The following AKAP13 variants were observed in gnomAD, a reference collection of about 807,000 sequenced individuals.
AKAP13 encodes the protein A-kinase anchor protein 13.
AKAP13 carries 80 observed loss-of-function variants against 264.5 expected under a neutral mutation model. That is an observed-to-expected ratio of 0.30 (90% CI 0.25 to 0.36). The LOEUF (loss-of-function observed/expected upper bound fraction) is 0.36. Among genes scored for constraint, AKAP13 ranks in the 10% least tolerant of loss-of-function variants. The pLI is 1.00. For synonymous variants in AKAP13, 1,380 were observed against 1,250.2 expected (o/e 1.10, Z -2.19); for missense variants, 3,712 against 3,435.2 (o/e 1.08, Z -2.01).
chr15:85,387,209 G>T (rs542762673), intron 1 of AKAP13, among the ~76,000 whole-genome samples: 2 of 151,996 alleles, frequency 1.3e-5, no homozygotes, highest in African/African-American at 4.8e-5. Flanking sequence ...GGTGGTGGGC[G>T]CCTGTAATCC....
intron 1 of AKAP13, among the ~76,000 whole-genome samples, chr15:85,446,176 G>T (rs529411861): frequency 5.3e-5 from 8 of 152,244 alleles, no homozygotes; most frequent in African/African-American, 1.9e-4. Flanking sequence ...TTTGACCAGA[G>T]AATTGACACA....
Position 85,734,878 on chromosome 15 carries a change from G to A in AKAP13, c.7283-114G>A, listed in dbSNP as rs1489174641. ...TTCTCTGAGCAAAGGAACTCACCCAGTCACTCTTTGGAACTTTCAAGTCGT... is the reference window on the plus strand; with the variant it reads ...TTCTCTGAGCAAAGGAACTCACCCAATCACTCTTTGGAACTTTCAAGTCGT... On this transcript the variant is annotated intron_variant, in intron 30 of 36. Coordinates refer to ENST00000394518, the MANE Select transcript of AKAP13 (RefSeq NM_007200.5). The A allele has an allele frequency of 2.2e-6, 3 of 1,389,094 alleles. No homozygotes were observed. The Admixed American group carries it at 6.9e-5, about 32-fold the overall frequency. 86.0% of individuals were successfully genotyped at this position (1,389,094 alleles called of 1,614,324 possible). A position where few individuals can be genotyped will look rare whatever the true frequency, so the allele number is the denominator to read the frequency against.
At position 85,408,153 on chromosome 15, in the gene AKAP13, C is replaced by T. The variant is rs28442031; in HGVS notation, c.-12+27355C>T. Among the ~76,000 whole-genome samples, 348 of 151,674 alleles carry T rather than the reference C, an allele frequency of 2.3e-3. 14 individuals are homozygous for T. The highest frequency in any genetic ancestry group is 8.2e-3 in the African/African-American group (336 of 41,004). ...GGCTTCCTGGAAGTGGTAATGTTTA[C>T]ATTTGGCTTAGATTACCTCATTCAA... is the stretch of plus-strand genomic sequence containing the variant. On this transcript the variant is annotated intron_variant, in intron 1 of 36. Coordinates refer to ENST00000394518, the MANE Select transcript of AKAP13 (RefSeq NM_007200.5).
At chr15:85,699,951 A>C (rs2085813923) in intron 17 of AKAP13, among the ~76,000 whole-genome samples, 1 of 152,242 alleles carries the variant, frequency 6.6e-6, no homozygotes, top group African/African-American at 2.4e-5. Flanking sequence ...TATAGAGGAC[A>C]ATAGATTTAA....
intron 8 of AKAP13, among the ~76,000 whole-genome samples, chr15:85,588,882 C>T (rs962694206): frequency 2.0e-5 from 3 of 152,168 alleles, no homozygotes; most frequent in African/African-American, 4.8e-5. Context: ...GGTAAAGTTG[C>T]TATAAGAAGC....
intron 5 of AKAP13, among the ~76,000 whole-genome samples, chr15:85,546,383 A>G (rs1215400331): frequency 1.3e-5 from 2 of 150,762 alleles, no homozygotes; most frequent in African/African-American, 2.4e-5. Context: ...AACAACCTAG[A>G]TGTCCATCAC....
At chr15:85,498,089 G>A (rs894964386) in intron 2 of AKAP13, among the ~76,000 whole-genome samples, 1 of 151,894 alleles carries the variant, frequency 6.6e-6, no homozygotes, top group Non-Finnish European at 1.5e-5. Context: ...AGGGAGAATG[G>A]TGTAGCATCA....
chr15:85,521,616 C>A, intron 3 of AKAP13, 41 bp downstream of exon 3: 1 of 1,596,742 alleles, frequency 6.3e-7, no homozygotes, highest in Middle Eastern at 1.7e-4. Context: ...TTTCCTAGTT[C>A]TTAAACCCTT....
intron 8 of AKAP13, chr15:85,627,686 T>C (rs1450782400): frequency 2.0e-5 from 3 of 152,236 alleles, no homozygotes; most frequent in African/African-American, 7.2e-5. Context: ...GGGCTTTTTG[T>C]GTTCCTGAAA....
At chr15:85,598,272 T>C (rs1050441628) in intron 8 of AKAP13, among the ~76,000 whole-genome samples, 10 of 152,164 alleles carry the variant, frequency 6.6e-5, no homozygotes, top group African/African-American at 2.4e-4. Context: ...CTAGGCCTGG[T>C]CCATTCTGGA....
intron 1 of AKAP13, among the ~76,000 whole-genome samples, chr15:85,423,983 A>T (rs2072648176): frequency 6.6e-6 from 1 of 152,098 alleles, no homozygotes; most frequent in Non-Finnish European, 1.5e-5. Context: ...CACAACAGTG[A>T]CCTTAAAATA....
At chr15:85,481,572 T>C (rs781575055) in intron 1 of AKAP13, among the ~76,000 whole-genome samples, 5 of 152,180 alleles carry the variant, frequency 3.3e-5, no homozygotes, top group Non-Finnish European at 4.4e-5. Context: ...AAGTGGAAAA[T>C]GTGGGAAGAA....
chr15:85,719,009 G>A, intron 22 of AKAP13, 67 bp from the exon 23 acceptor site: 1 of 1,585,576 alleles, frequency 6.3e-7, no homozygotes, highest in Admixed American at 1.7e-5. Flanking sequence ...GACTGCAGCA[G>A]ATGATCTTTG....
At chr15:85,507,438 C>T (rs896837724) in intron 2 of AKAP13, among the ~76,000 whole-genome samples, 1 of 150,728 alleles carries the variant, frequency 6.6e-6, no homozygotes, top group Non-Finnish European at 1.5e-5. Context: ...ATATTTCCCA[C>T]AAAGCCGAAA....
chr15:85,744,021 C>A, intron 36 of AKAP13, 196 bp downstream of exon 36: 1 of 624,746 alleles, frequency 1.6e-6, no homozygotes, highest in Non-Finnish European at 2.7e-6. Context: ...CTGTGTGGCA[C>A]GTGTGCAGAA....
At chr15:85,552,876 C>T (rs1025307357) in intron 5 of AKAP13, among the ~76,000 whole-genome samples, 27 of 151,930 alleles carry the variant, frequency 1.8e-4, no homozygotes, top group Admixed American at 1.8e-3. Context: ...TTTTTTCTTA[C>T]AAAATTTGGA....
At chr15:85,661,902 G>GA (rs57846021) in intron 12 of AKAP13, among the ~76,000 whole-genome samples, 28,330 of 136,488 alleles carry the variant, frequency 0.21, 3,758 homozygotes, top group Middle Eastern at 0.41. Flanking sequence ...GGAAACACAT[G>GA]AAAAAAAAAA....
At chr15:85,534,136 G>A in intron 4 of AKAP13, 1 of 438,926 alleles carries the variant, frequency 2.3e-6, no homozygotes. Flanking sequence ...TGTGGGTCTG[G>A]ATTTCAGATT....
intron 1 of AKAP13, among the ~76,000 whole-genome samples, chr15:85,404,507 AG>A (rs2071577079): frequency 6.6e-6 from 1 of 152,236 alleles, no homozygotes; most frequent in Non-Finnish European, 1.5e-5. Context: ...GCTAGACCCT[AG>A]GGACACACAA....
Sources: allele counts gnomAD v4.1 joint callset (sites outside exome capture counted in the v4.1 genomes callset), GRCh38; gene constraint gnomAD v4.1.1; transcripts MANE v1.5; gene names NCBI Gene and HGNC (gene_info 2026-07-23, HGNC 2026-07-21).